The following SEMA3E variants were observed in gnomAD, a reference collection of about 807,000 sequenced individuals.
The protein encoded by SEMA3E is semaphorin-3E.
SEMA3E carries 49 observed loss-of-function variants against 93.6 expected under a neutral mutation model. The ratio of observed to expected loss-of-function variants is 0.52; its 90% CI spans 0.42 to 0.66. SEMA3E has a LOEUF of 0.66. SEMA3E is among the 30% of genes least tolerant of loss of function. The pLI, the probability that SEMA3E is intolerant of heterozygous loss-of-function variation, is 0.00. For missense variants in SEMA3E, 906 were observed against 964.8 expected (o/e 0.94, Z 0.81); for synonymous variants, 363 against 330.7 (o/e 1.10, Z -1.06).
intron 14 of SEMA3E, among the ~76,000 whole-genome samples, chr7:83,390,650 T>C (rs1404652977): frequency 6.6e-6 from 1 of 152,198 alleles, no homozygotes; most frequent in Non-Finnish European, 1.5e-5. Context: ...CCTTCATGTG[T>C]TGGAACTTAT....
At chr7:83,632,467 T>C (rs1369077363) in intron 1 of SEMA3E, among the ~76,000 whole-genome samples, 1 of 152,126 alleles carries the variant, frequency 6.6e-6, no homozygotes, top group Non-Finnish European at 1.5e-5. Flanking sequence ...GTTCTTGTGA[T>C]AGTGAATAAG....
In SEMA3E at chr7:83,363,300, T is replaced by C. The variant is rs1264231391; in HGVS notation, c.*4286A>G. Reference sequence around the variant, plus strand: ...AGTTGAGCCAAATAGAGATTGTACATAATGGTACATAGCGCGTAGTGGCAG... The same window carrying C: ...AGTTGAGCCAAATAGAGATTGTACACAATGGTACATAGCGCGTAGTGGCAG... On this transcript the variant is annotated 3_prime_UTR_variant, in exon 17 of 17. Transcript: ENST00000643230. The C allele has an allele frequency of 6.6e-6, 1 of 152,206 alleles. No homozygotes were observed. The highest frequency in any genetic ancestry group is 1.9e-4 in the East Asian group (1 of 5,196). 9.4% of individuals were successfully genotyped at this position (152,206 alleles called of 1,614,324 possible). A position where few individuals can be genotyped will look rare whatever the true frequency, so the allele number is the denominator to read the frequency against.
At chr7:83,524,030 G>A (rs369921421) in intron 1 of SEMA3E, among the ~76,000 whole-genome samples, 3 of 152,190 alleles carry the variant, frequency 2.0e-5, no homozygotes, top group Non-Finnish European at 4.4e-5. Flanking sequence ...AAATGCTTAT[G>A]TATTAATTTA....
intron 4 of SEMA3E, among the ~76,000 whole-genome samples, chr7:83,456,330 T>G (rs1242960445): frequency 6.6e-6 from 1 of 152,048 alleles, no homozygotes; most frequent in Non-Finnish European, 1.5e-5. Flanking sequence ...CTTGTAGTAG[T>G]TTATATTTGT....
intron 4 of SEMA3E, among the ~76,000 whole-genome samples, chr7:83,442,156 C>T (rs1789127500): frequency 6.6e-6 from 1 of 152,088 alleles, no homozygotes; most frequent in African/African-American, 2.4e-5. Flanking sequence ...CCCCTCCAGC[C>T]TTTACAGAAT....
chr7:83,477,094 G>T (rs1465782480), intron 2 of SEMA3E, among the ~76,000 whole-genome samples: 1 of 152,096 alleles, frequency 6.6e-6, no homozygotes, highest in Admixed American at 6.5e-5. Flanking sequence ...AAGACGTTAT[G>T]ACACTCAGAG....
chr7:83,570,370 G>A (rs1792251093), intron 1 of SEMA3E, among the ~76,000 whole-genome samples: 3 of 150,076 alleles, frequency 2.0e-5, no homozygotes, highest in Admixed American at 6.6e-5. Flanking sequence ...CGGCTAAAAC[G>A]GTGAAACCCC....
intron 1 of SEMA3E, among the ~76,000 whole-genome samples, chr7:83,629,659 A>G (rs992449860): frequency 3.9e-5 from 6 of 152,092 alleles, no homozygotes; most frequent in African/African-American, 1.2e-4. Flanking sequence ...TGAGTGTCCC[A>G]GGTCACCTTC....
chr7:83,435,812 A>C (rs988691373), intron 4 of SEMA3E, among the ~76,000 whole-genome samples: 1 of 152,144 alleles, frequency 6.6e-6, no homozygotes, highest in Non-Finnish European at 1.5e-5. Context: ...TCCATGGTTA[A>C]TATACTTAAC....
intron 1 of SEMA3E, among the ~76,000 whole-genome samples, chr7:83,630,490 T>A (rs570015082): frequency 6.6e-6 from 1 of 152,270 alleles, no homozygotes; most frequent in East Asian, 1.9e-4. Context: ...TGGAAAAACA[T>A]CCCAAAGATA....
chr7:83,573,168 C>T (rs1792322057), intron 1 of SEMA3E, among the ~76,000 whole-genome samples: 1 of 151,950 alleles, frequency 6.6e-6, no homozygotes, highest in African/African-American at 2.4e-5. Context: ...GGTCTGATAT[C>T]CAGAATCTAT....
chr7:83,492,792 A>T (rs1329621183), intron 1 of SEMA3E, among the ~76,000 whole-genome samples: 3 of 152,088 alleles, frequency 2.0e-5, no homozygotes, highest in Non-Finnish European at 2.9e-5. Context: ...AGTTTAAATT[A>T]CCAATGTATT....
At chr7:83,464,468 G>GCCGGTTTACAC (rs1562793988) in intron 4 of SEMA3E, among the ~76,000 whole-genome samples, 31 of 102,614 alleles carry the variant, frequency 3.0e-4, no homozygotes, top group East Asian at 8.6e-4. Flanking sequence ...TGTTTACACT[G>GCCGGTTTACAC]TTTTTCCAAG....
chr7:83,472,003 T>C (rs1294684818), intron 2 of SEMA3E, among the ~76,000 whole-genome samples: 1 of 152,202 alleles, frequency 6.6e-6, no homozygotes, highest in Non-Finnish European at 1.5e-5. Context: ...TCTGCATCAC[T>C]ACTGTCAGTA....
intron 1 of SEMA3E, among the ~76,000 whole-genome samples, chr7:83,503,125 T>C (rs73174584): frequency 0.03 from 4,609 of 151,986 alleles, 104 homozygotes; most frequent in African/African-American, 0.064. Context: ...ATAGTTACTC[T>C]CAGGGCTCAT....
At chr7:83,509,087 A>G (rs1562812469) in intron 1 of SEMA3E, among the ~76,000 whole-genome samples, 1 of 152,142 alleles carries the variant, frequency 6.6e-6, no homozygotes, top group Non-Finnish European at 1.5e-5. Flanking sequence ...AAGTTTTACA[A>G]CTTTTATATT....
rs554778025 is a variant in SEMA3E at position 83,471,248 on chromosome 7, A to T, written c.277-1946T>A. The stretch of plus-strand genomic sequence containing the variant: ...ACTACAGAACCCTTAAGGACACTGA[A>T]AATTAGTAAGTAAAGTTCAGAAACA... On this transcript the variant is annotated intron_variant, in intron 2 of 16. Coordinates refer to ENST00000643230, the MANE Select transcript of SEMA3E (RefSeq NM_012431.3). Among the ~76,000 whole-genome samples the T allele has an allele frequency of 2.6e-5, 4 of 151,872 alleles. No individual in the cohort carries two copies. The South Asian group carries it at 8.4e-4, about 32-fold the overall frequency.
chr7:83,416,722 A>T (rs2709891), intron 5 of SEMA3E, among the ~76,000 whole-genome samples: 1 of 151,678 alleles, frequency 6.6e-6, no homozygotes, highest in South Asian at 2.1e-4. Flanking sequence ...CACAAGAAAG[A>T]TAAGAAAGTC....
At chr7:83,461,799 A>G (rs902731413) in intron 4 of SEMA3E, among the ~76,000 whole-genome samples, 1 of 152,128 alleles carries the variant, frequency 6.6e-6, no homozygotes, top group Non-Finnish European at 1.5e-5. Flanking sequence ...CAAGGTGTAC[A>G]ATAGAAAAAA....
Sources: allele counts gnomAD v4.1 joint callset (sites outside exome capture counted in the v4.1 genomes callset), GRCh38; gene constraint gnomAD v4.1.1; transcripts MANE v1.5; gene names NCBI Gene and HGNC (gene_info 2026-07-23, HGNC 2026-07-21).